Variants in TRDN observed in about 807,000 individuals in gnomAD.
TRDN encodes triadin in skeletal muscle.
In TRDN, 161 loss-of-function variants were observed where a neutral mutation model predicts 149.7. That is an observed-to-expected ratio of 1.08 (90% CI 0.95 to 1.23). TRDN has a LOEUF of 1.23. Ranked by LOEUF, TRDN falls within the 50% of genes most tolerant of loss-of-function variation. TRDN has a pLI of 0.00. For synonymous variants in TRDN, 294 were observed against 250.5 expected, an observed-to-expected ratio of 1.17 and a Z score of -1.64; for missense variants, 896 against 823.5, an observed-to-expected ratio of 1.09 and a Z score of -1.08.
chr6:123,487,041 T>C (rs1015436037), intron 9 of TRDN, among the ~76,000 whole-genome samples: 2 of 152,040 alleles, frequency 1.3e-5, no homozygotes, highest in African/African-American at 4.8e-5. Context: ...AAAATATTTT[T>C]CTGTCATTAT....
intron 1 of TRDN, among the ~76,000 whole-genome samples, chr6:123,573,476 C>T (rs1782678155): frequency 6.6e-6 from 1 of 152,040 alleles, no homozygotes. Flanking sequence ...TAAGAAAAGG[C>T]TAGAAAGGCA....
At chr6:123,518,274 A>G (rs528784490) in intron 5 of TRDN, among the ~76,000 whole-genome samples, 3 of 152,328 alleles carry the variant, frequency 2.0e-5, no homozygotes, top group African/African-American at 7.2e-5. Context: ...CAATATAAAT[A>G]GCTCACAAAA....
Position 123,218,467 on chromosome 6 carries a change from C to T in TRDN, c.*134G>A. ...CAATCCATTTGGCCACCCTTTCCGTCCACACCAGGCCAAAGAGCAAAATGT... is the reference window on the plus strand; with the variant it reads ...CAATCCATTTGGCCACCCTTTCCGTTCACACCAGGCCAAAGAGCAAAATGT... On this transcript the variant is annotated 3_prime_UTR_variant, in exon 41 of 41. Coordinates refer to ENST00000334268, the MANE Select transcript of TRDN (RefSeq NM_006073.4). 1.9e-6 allele frequency: 2 copies of T among 1,065,628 alleles called. No homozygotes were observed. The highest frequency in any genetic ancestry group is 2.6e-6 in the Non-Finnish European group (2 of 756,664). 66.0% of individuals were successfully genotyped at this position (1,065,628 alleles called of 1,614,324 possible). A position where few individuals can be genotyped will look rare whatever the true frequency, so the allele number is the denominator to read the frequency against.
At chr6:123,458,281 G>A (rs533934438) in intron 10 of TRDN, among the ~76,000 whole-genome samples, 263 of 152,246 alleles carry the variant, frequency 1.7e-3, no homozygotes, top group African/African-American at 6.0e-3. Flanking sequence ...ATCAATTCGG[G>A]TAGGCTTTGG....
In TRDN at chr6:123,305,671, G is replaced by T. The variant is rs574816038; in HGVS notation, c.1510+10786C>A. Among the ~76,000 whole-genome samples, 14 of 152,240 alleles carry T rather than the reference G, an allele frequency of 9.2e-5. No individual in the cohort carries two copies. In the South Asian group the frequency reaches 1.9e-3, roughly 20 times the overall value. Reference sequence around the variant, plus strand: ...AACTTTCCTTGAGATGTTGGAACAAGATTCCTTATTATTATGAGACTCTTA... The same window carrying T: ...AACTTTCCTTGAGATGTTGGAACAATATTCCTTATTATTATGAGACTCTTA... On this transcript the variant is annotated intron_variant, in intron 24 of 40. Coordinates refer to ENST00000334268, the MANE Select transcript of TRDN (RefSeq NM_006073.4).
chr6:123,359,377 C>T (rs373053449), intron 20 of TRDN, among the ~76,000 whole-genome samples: 3 of 152,116 alleles, frequency 2.0e-5, no homozygotes, highest in African/African-American at 7.2e-5. Context: ...TTTTAACAAG[C>T]TTGGATTTTT....
At chr6:123,495,921 G>GAATTATCACT (rs1378797741) in intron 9 of TRDN, among the ~76,000 whole-genome samples, 13 of 151,570 alleles carry the variant, frequency 8.6e-5, no homozygotes, top group Admixed American at 7.2e-4. Flanking sequence ...ATGGAGTTAA[G>GAATTATCACT]AATTATCACT....
intron 24 of TRDN, among the ~76,000 whole-genome samples, chr6:123,292,755 AG>A (rs1440005229): frequency 1.3e-5 from 2 of 152,154 alleles, no homozygotes; most frequent in Admixed American, 1.3e-4. Context: ...CAGCTACAAA[AG>A]GGGGACACCA....
intron 2 of TRDN, among the ~76,000 whole-genome samples, chr6:123,560,064 C>G (rs1312193564): frequency 6.6e-6 from 1 of 152,162 alleles, no homozygotes; most frequent in African/African-American, 2.4e-5. Flanking sequence ...CACCCTGTAG[C>G]CTTTCTGTCC....
At position 123,600,916 on chromosome 6, in the gene TRDN, GT is replaced by G. The variant is rs573891194; in HGVS notation, c.23-29785del. On this transcript the variant is annotated intron_variant, in intron 1 of 40. Coordinates refer to ENST00000334268, the MANE Select transcript of TRDN (RefSeq NM_006073.4). ...ATGCACTTTTGGCTGTTAGCAAATT[GT>G]TTTAAAAACAAAAAAATTATTATTT... Among the ~76,000 whole-genome samples the G allele has an allele frequency of 1.8e-3, 278 of 152,036 alleles. 1 individual carries two copies. The highest frequency in any genetic ancestry group is 6.6e-3 in the African/African-American group (272 of 41,472).
intron 35 of TRDN, among the ~76,000 whole-genome samples, chr6:123,257,620 A>ATAAGGACTCCTT (rs1450191940): frequency 6.6e-6 from 1 of 152,166 alleles, no homozygotes; most frequent in East Asian, 1.9e-4. Flanking sequence ...TGTCTTGGCT[A>ATAAGGACTCCTT]TAAGGACTCC....
rs575119602 is a variant in TRDN, at chr6:123,594,036, A to G, written c.23-22904T>C. ...TGGTCATAATTAGGTTAGCTGGATTAAAAAATATTTGCATGTAGAAAAGTG... is the reference window on the plus strand; with the variant it reads ...TGGTCATAATTAGGTTAGCTGGATTGAAAAATATTTGCATGTAGAAAAGTG... On this transcript the variant is annotated intron_variant, in intron 1 of 40. Coordinates refer to ENST00000334268, the MANE Select transcript of TRDN (RefSeq NM_006073.4). Among the ~76,000 whole-genome samples, 4 of 152,268 alleles carry G rather than the reference A, an allele frequency of 2.6e-5. No individual in the cohort carries two copies. The East Asian group carries it at 5.8e-4, about 22-fold the overall frequency.
chr6:123,613,797 C>T (rs1351496804), intron 1 of TRDN, among the ~76,000 whole-genome samples: 2 of 150,202 alleles, frequency 1.3e-5, no homozygotes, highest in African/African-American at 2.5e-5. Context: ...CTATTTGATG[C>T]CACATAACAA....
intron 1 of TRDN, among the ~76,000 whole-genome samples, chr6:123,573,348 C>T (rs922836176): frequency 1.3e-5 from 2 of 152,008 alleles, no homozygotes; most frequent in Admixed American, 1.3e-4. Flanking sequence ...AATGACAATA[C>T]AACAACTACT....
intron 4 of TRDN, among the ~76,000 whole-genome samples, chr6:123,532,058 T>C (rs866243833): frequency 6.6e-6 from 1 of 151,958 alleles, no homozygotes; most frequent in African/African-American, 2.4e-5. Flanking sequence ...ATAACCAGAG[T>C]AATCACTATC....
chr6:123,288,435 T>C (rs1281720028), intron 24 of TRDN, among the ~76,000 whole-genome samples: 2 of 152,030 alleles, frequency 1.3e-5, no homozygotes, highest in Admixed American at 6.6e-5. Context: ...ACAATAAAAA[T>C]GAAGAGACAA....
In TRDN at chr6:123,382,186, A is replaced by G. The variant is rs772966892; in HGVS notation, c.1136-39T>C. The G allele has an allele frequency of 2.6e-5, 36 of 1,409,586 alleles. 1 individual carries two copies. In the South Asian group the frequency reaches 4.9e-4, roughly 19 times the overall value. The allele number at this position is 1,409,586 out of a possible 1,614,324, so 87.3% of individuals were successfully genotyped here. The stretch of plus-strand genomic sequence containing the variant: ...GATAAATTATTAATAAAACAGATAC[A>G]ATAAATCAACAGCTGATCAGCTCAC... On this transcript the variant is annotated intron_variant, in intron 14 of 40. Coordinates refer to ENST00000334268, the MANE Select transcript of TRDN (RefSeq NM_006073.4).
At chr6:123,472,054 C>T (rs1777181495) in intron 9 of TRDN, among the ~76,000 whole-genome samples, 1 of 152,186 alleles carries the variant, frequency 6.6e-6, no homozygotes, top group Non-Finnish European at 1.5e-5. Flanking sequence ...AAAGGTCATG[C>T]ATTGAGAACA....
chr6:123,575,762 T>C (rs1038852690), intron 1 of TRDN, among the ~76,000 whole-genome samples: 10 of 152,096 alleles, frequency 6.6e-5, no homozygotes, highest in Non-Finnish European at 1.2e-4. Context: ...TCAGGTTATA[T>C]GCAGAAGAAT....
Sources: allele counts gnomAD v4.1 joint callset (sites outside exome capture counted in the v4.1 genomes callset), GRCh38; gene constraint gnomAD v4.1.1; transcripts MANE v1.5; gene names NCBI Gene and HGNC (gene_info 2026-07-23, HGNC 2026-07-21).